Variants in SBF2 observed in about 807,000 individuals in gnomAD.
SBF2 encodes myotubularin-related protein 13.
A neutral mutation model predicts 225.2 loss-of-function variants in SBF2; 112 were observed. The ratio of observed to expected loss-of-function variants is 0.50; its 90% CI spans 0.43 to 0.58. SBF2 has a LOEUF of 0.58. Among genes scored for constraint, SBF2 ranks in the 20% least tolerant of loss-of-function variants. SBF2 has a pLI of 0.00. For missense variants in SBF2, 1,996 were observed against 2,206.2 expected, an observed-to-expected ratio of 0.90 and a Z score of 1.91; for synonymous variants, 763 against 773.3, an observed-to-expected ratio of 0.99 and a Z score of 0.22.
At chr11:10,284,734 C>G (rs1472459923) in intron 1 of SBF2, among the ~76,000 whole-genome samples, 1 of 152,026 alleles carries the variant, frequency 6.6e-6, no homozygotes, top group Non-Finnish European at 1.5e-5. Flanking sequence ...CCTCAACCTC[C>G]CAAGCAGCTG....
chr11:10,189,946 G>C (rs1001579690), intron 2 of SBF2, among the ~76,000 whole-genome samples: 1 of 152,284 alleles, frequency 6.6e-6, no homozygotes, highest in South Asian at 2.1e-4. Context: ...GAGGTCAGGA[G>C]TTCGAGACCA....
At chr11:9,898,041 G>A (rs1430201550) in intron 16 of SBF2, among the ~76,000 whole-genome samples, 1 of 152,132 alleles carries the variant, frequency 6.6e-6, no homozygotes, top group African/African-American at 2.4e-5. Flanking sequence ...CTAGTGCCCG[G>A]GAGAAGCACT....
chr11:10,219,519 T>C (rs1383785506), intron 1 of SBF2, among the ~76,000 whole-genome samples: 1 of 152,206 alleles, frequency 6.6e-6, no homozygotes, highest in Non-Finnish European at 1.5e-5. Flanking sequence ...GTGATTAACA[T>C]TTGGCTCCTC....
At chr11:9,917,395 G>A (rs746314784) in intron 16 of SBF2, among the ~76,000 whole-genome samples, 1 of 151,430 alleles carries the variant, frequency 6.6e-6, no homozygotes, top group Non-Finnish European at 1.5e-5. Flanking sequence ...GCAGTGACAC[G>A]GTCTTGGCTC....
intron 19 of SBF2, among the ~76,000 whole-genome samples, chr11:9,854,583 ATATT>A (rs1857185055): frequency 6.6e-6 from 1 of 152,022 alleles, no homozygotes; most frequent in Admixed American, 6.6e-5. Flanking sequence ...TTATTTGTTT[ATATT>A]TATTTATTTA....
chr11:10,260,274 T>C (rs944138299), intron 1 of SBF2, among the ~76,000 whole-genome samples: 1 of 152,192 alleles, frequency 6.6e-6, no homozygotes, highest in Non-Finnish European at 1.5e-5. Context: ...AGGGCACATT[T>C]TGGCATATGC....
At chr11:10,144,487 C>CAAAATAAAAT (rs71313476) in intron 2 of SBF2, among the ~76,000 whole-genome samples, 3 of 151,664 alleles carry the variant, frequency 2.0e-5, no homozygotes, top group East Asian at 1.9e-4. Flanking sequence ...GACCCTATCT[C>CAAAATAAAAT]AAAATAAAAT....
At chr11:10,002,422 A>G (rs1948009335) in intron 7 of SBF2, 135 bp downstream of exon 7, 1 of 716,170 alleles carries the variant, frequency 1.4e-6, no homozygotes, top group Admixed American at 2.7e-5. Flanking sequence ...TATCAGAACT[A>G]TGACTCATAT....
intron 16 of SBF2, chr11:9,959,023 C>G: frequency 1.6e-6 from 2 of 1,267,094 alleles, no homozygotes; most frequent in Non-Finnish European, 2.2e-6. Flanking sequence ...ACCATTCTCC[C>G]GCATGGCCTT....
At chr11:9,967,947 G>C (rs11042570) in intron 14 of SBF2, among the ~76,000 whole-genome samples, 25,380 of 97,334 alleles carry the variant, frequency 0.26, 3,113 homozygotes, top group Non-Finnish European at 0.36. Context: ...CTGTCTGTCT[G>C]TCTCTCTCTC....
At chr11:9,822,324 G>A (rs1031737858) in intron 28 of SBF2, among the ~76,000 whole-genome samples, 1 of 149,134 alleles carries the variant, frequency 6.7e-6, no homozygotes, top group Non-Finnish European at 1.5e-5. Flanking sequence ...GCAGTGGCGC[G>A]ATCCTGGCTC....
intron 17 of SBF2, among the ~76,000 whole-genome samples, chr11:9,860,261 GTTT>G (rs66485704): frequency 4.7e-5 from 6 of 127,396 alleles, no homozygotes; most frequent in Admixed American, 8.3e-5. Flanking sequence ...TTTTGAAACA[GTTT>G]TTTTTTTTTT....
intron 2 of SBF2, among the ~76,000 whole-genome samples, chr11:10,114,690 T>G (rs1214326914): frequency 1.3e-5 from 2 of 152,256 alleles, no homozygotes; most frequent in Non-Finnish European, 2.9e-5. Context: ...AATCTTCCTG[T>G]TCCTTTTGTA....
chr11:9,980,817 C>T (rs1343840558), intron 13 of SBF2, among the ~76,000 whole-genome samples: 1 of 152,100 alleles, frequency 6.6e-6, no homozygotes, highest in African/African-American at 2.4e-5. Flanking sequence ...CTGCCTGCCT[C>T]GGCCTCCCAA....
intron 2 of SBF2, among the ~76,000 whole-genome samples, chr11:10,147,096 G>C (rs528030819): frequency 6.6e-6 from 1 of 151,114 alleles, no homozygotes; most frequent in Non-Finnish European, 1.5e-5. Context: ...GTGGAGAAAA[G>C]GGAACACTTA....
intron 2 of SBF2, among the ~76,000 whole-genome samples, chr11:10,085,651 A>G (rs527806352): frequency 6.6e-6 from 1 of 152,304 alleles, no homozygotes; most frequent in African/African-American, 2.4e-5. Flanking sequence ...TTAATTTCAT[A>G]TTGAGCAAAT....
At chr11:9,959,908 G>T in intron 16 of SBF2, 1 of 357,554 alleles carries the variant, frequency 2.8e-6, no homozygotes. Flanking sequence ...CCCATTCTCG[G>T]CTCTGCCTTT....
At chr11:10,241,271 T>C (rs1959210533) in intron 1 of SBF2, among the ~76,000 whole-genome samples, 1 of 152,152 alleles carries the variant, frequency 6.6e-6, no homozygotes, top group South Asian at 2.1e-4. Context: ...GAGAATCACT[T>C]GAACCTGGGA....
chr11:9,836,905 T>G (rs768187653), intron 26 of SBF2, among the ~76,000 whole-genome samples: 12 of 152,180 alleles, frequency 7.9e-5, no homozygotes, highest in South Asian at 2.1e-4. Context: ...AGTATATATA[T>G]AATTATTGTA....
Sources: gnomAD v4.1 joint callset for allele counts (sites outside exome capture counted in the v4.1 genomes callset) on GRCh38, gnomAD v4.1.1 for gene constraint, MANE v1.5 for transcripts, NCBI Gene and HGNC (gene_info 2026-07-23, HGNC 2026-07-21) for gene names.